The following MPRIP variants were observed in gnomAD, a reference collection of about 807,000 sequenced individuals.
MPRIP encodes the protein myosin phosphatase Rho-interacting protein.
Under a neutral mutation model 234.9 loss-of-function variants are expected in MPRIP, and 59 were observed. The observed-to-expected ratio is 0.25, with a 90% confidence interval of 0.20 to 0.31. The LOEUF (loss-of-function observed/expected upper bound fraction) is 0.31, where lower values mean the gene tolerates loss of function less well. MPRIP is among the 10% of genes least tolerant of loss of function. The pLI, the probability that MPRIP is intolerant of heterozygous loss-of-function variation, is 1.00. For synonymous variants in MPRIP, 1,144 were observed against 1,263.9 expected, an observed-to-expected ratio of 0.91 and a Z score of 2.01; for missense variants, 2,436 against 3,071.0, an observed-to-expected ratio of 0.79 and a Z score of 4.89.
intron 3 of MPRIP, among the ~76,000 whole-genome samples, chr17:17,090,439 G>A (rs1431463070): frequency 2.6e-5 from 4 of 152,162 alleles, no homozygotes; most frequent in Admixed American, 2.6e-4. Flanking sequence ...GTGAGTCATT[G>A]TCTTCCTCTG....
rs541926179 is a variant in MPRIP at position 17,165,044 on chromosome 17, G to C, written c.3453G>C (p.Arg1151Ser). 72 of 1,302,096 alleles carry C rather than the reference G, an allele frequency of 5.5e-5. No homozygotes were observed. Among genetic ancestry groups the C allele is most frequent in the Non-Finnish European group, 7.0e-5 (69 of 988,950 alleles). The allele number at this position is 1,302,096 out of a possible 1,614,324, so 80.7% of individuals were successfully genotyped here. ...DNQSLEHSYQ[R>S]VSSQLQSMHT... ...AGAGCCTGGAGCACTCCTACCAGAGGGTCTCCAGCCAGCTGCAGAGCATGC... is the reference window on the plus strand; with the variant it reads ...AGAGCCTGGAGCACTCCTACCAGAGCGTCTCCAGCCAGCTGCAGAGCATGC... Residue 1151 changes from arginine to serine, a missense_variant, in exon 16 of 24, where the codon AGG becomes AGC. Arg to Ser is a moderately radical substitution (Grantham distance 110, BLOSUM62 -1). Around this residue, in one of 4 missense-constraint regions of MPRIP, gnomAD observed 1,998 missense variants for 2,520.3 expected, o/e 0.79. Coordinates refer to ENST00000651222, the MANE Select transcript of MPRIP (RefSeq NM_001364716.4).
intron 19 of MPRIP, 76 bp downstream of exon 19, chr17:17,174,151 C>A: frequency 6.6e-7 from 1 of 1,520,052 alleles, no homozygotes. Context: ...CAGGTGAGTC[C>A]ACACTGGAGC....
intron 3 of MPRIP, chr17:17,097,344 C>T (rs553983957): frequency 6.5e-6 from 1 of 153,408 alleles, no homozygotes; most frequent in African/African-American, 2.4e-5. Flanking sequence ...TAAGAATATT[C>T]TGGCCAGGCA....
chr17:17,167,780 G>C lies in MPRIP; in HGVS notation c.6189G>C (p.Met2063Ile). The change falls in exon 16 of 24, where the codon ATG (methionine) becomes ATC (isoleucine). Residue 2063 changes from methionine (M) to isoleucine (I), a missense_variant. This residue lies in a region of MPRIP where 1,998 missense variants were observed against 2,520.3 expected (regional missense o/e 0.79). Transcript: ENST00000651222. This position sits in a 1 kb window ranked among gnomAD's most constrained non-coding sequence, Gnocchi z 5.9. ...CCACCCAGGGAGAGGCTGACTCCAT[G>C]ACGGGGCTGAGGGAGCGCATCCAGG... ...WQATQGEADS[M>I]TGLRERIQEL... 1.5e-6 allele frequency: 2 copies of C among 1,304,250 alleles called. No homozygotes were observed. The highest frequency in any genetic ancestry group is 2.0e-6 in the Non-Finnish European group (2 of 988,960). The allele number at this position is 1,304,250 out of a possible 1,614,324, so 80.8% of individuals were successfully genotyped here. A position where few individuals can be genotyped will look rare whatever the true frequency, so the allele number is the denominator to read the frequency against.
At chr17:17,171,526 C>G (rs532789905) in intron 16 of MPRIP, 192 bp from the exon 17 acceptor site, 15 of 638,110 alleles carry the variant, frequency 2.4e-5, no homozygotes, top group South Asian at 1.4e-4. Context: ...TCTGAATGCT[C>G]TGATGGCATT....
chr17:17,143,052 T>G (rs1477913706), intron 8 of MPRIP, among the ~76,000 whole-genome samples: 1 of 152,206 alleles, frequency 6.6e-6, no homozygotes, highest in East Asian at 1.9e-4. Flanking sequence ...AGGCTGAATG[T>G]CACACCTTCC....
chr17:17,150,078 A>G (rs997724279), intron 11 of MPRIP, 66 bp from the exon 12 acceptor site: 2 of 1,170,464 alleles, frequency 1.7e-6, no homozygotes, highest in African/African-American at 3.0e-5. Context: ...ACTTACGGAA[A>G]TTTGCTCATC....
At position 17,158,616 on chromosome 17, in the gene MPRIP, G is replaced by T. The variant is rs1311439061; in HGVS notation, c.2014G>T (p.Ala672Ser). Residue 672 changes from alanine (A) to serine (S), a missense_variant, in exon 14 of 24, where the codon GCC (alanine) becomes TCC (serine). By Grantham distance (99) the Ala-to-Ser change is moderately conservative. Around this residue, in one of 4 missense-constraint regions of MPRIP, gnomAD observed 1,998 missense variants for 2,520.3 expected, o/e 0.79. Transcript: ENST00000651222. Reference protein sequence around the residue: ...DWAEFRPIQQALAQERVGGVG... With the variant: ...DWAEFRPIQQSLAQERVGGVG... ...GGCTGAGTTCCGTCCCATCCAGCAG[G>T]CCCTGGCTCAGGAGCGGGTGGGCGG... The T allele has an allele frequency of 1.2e-6, 2 of 1,604,246 alleles. No homozygotes were observed. The highest frequency in any genetic ancestry group is 1.7e-6 in the Non-Finnish European group (2 of 1,175,908).
intron 5 of MPRIP, among the ~76,000 whole-genome samples, chr17:17,135,934 A>G (rs898132356): frequency 1.8e-4 from 28 of 152,318 alleles, no homozygotes; most frequent in Admixed American, 5.2e-4. Context: ...TTGTTCTTGC[A>G]TTCACTGTAA....
At position 17,042,977 on chromosome 17, in the gene MPRIP, C is replaced by T. The variant is rs1242605263; in HGVS notation, c.123+6C>T. 1 of 1,608,650 alleles carries T rather than the reference C, an allele frequency of 6.2e-7. No homozygotes were observed. Among genetic ancestry groups the T allele is most frequent in the Non-Finnish European group, 8.5e-7 (1 of 1,177,454 alleles). The stretch of plus-strand genomic sequence containing the variant: ...ACGACGAGGACCTGACGCAGGTGAG[C>T]GACTGGGGCCGGCCCGGACACCTCC... On this transcript the variant is annotated splice_donor_region_variant and intron_variant, in intron 1 of 23. Transcript: ENST00000651222.
At chr17:17,156,865 G>A (rs537064535) in intron 13 of MPRIP, among the ~76,000 whole-genome samples, 63 of 152,364 alleles carry the variant, frequency 4.1e-4, no homozygotes, top group African/African-American at 1.5e-3. Context: ...GAAGCACTTT[G>A]CCTCTCACTC....
intron 3 of MPRIP, among the ~76,000 whole-genome samples, chr17:17,125,950 A>G (rs2090482780): frequency 6.6e-6 from 1 of 152,196 alleles, no homozygotes; most frequent in Non-Finnish European, 1.5e-5. Flanking sequence ...CTCCCAAAGC[A>G]TCCTTACGTT....
intron 1 of MPRIP, among the ~76,000 whole-genome samples, chr17:17,063,728 C>G (rs2088935093): frequency 6.6e-6 from 1 of 152,214 alleles, no homozygotes; most frequent in Non-Finnish European, 1.5e-5. Flanking sequence ...ACCGACTGTT[C>G]CCTTCTCTTG....
At chr17:17,172,185 CT>C (rs1401109045) in intron 17 of MPRIP, among the ~76,000 whole-genome samples, 2 of 152,268 alleles carry the variant, frequency 1.3e-5, no homozygotes, top group African/African-American at 2.4e-5. Flanking sequence ...GACTTTCCCC[CT>C]GACAGACACC....
chr17:17,081,067 A>G (rs2089451465), intron 3 of MPRIP, among the ~76,000 whole-genome samples: 1 of 152,222 alleles, frequency 6.6e-6, no homozygotes, highest in African/African-American at 2.4e-5. Context: ...CAGCAGCTCT[A>G]AGCAGCCCGT....
intron 1 of MPRIP, among the ~76,000 whole-genome samples, chr17:17,051,789 C>T (rs75680614): frequency 0.086 from 13,024 of 152,324 alleles, 708 homozygotes; most frequent in Middle Eastern, 0.16. Context: ...TTCCAAACCA[C>T]TCACTGGTTT....
At chr17:17,062,722 A>G (rs190959517) in intron 1 of MPRIP, among the ~76,000 whole-genome samples, 3 of 152,356 alleles carry the variant, frequency 2.0e-5, no homozygotes, top group African/African-American at 7.2e-5. Context: ...ATGGCCAGGT[A>G]GCGTGTTAGG....
At chr17:17,159,369 C>T (rs1337457650) in intron 14 of MPRIP, among the ~76,000 whole-genome samples, 2 of 152,234 alleles carry the variant, frequency 1.3e-5, no homozygotes, top group African/African-American at 4.8e-5. Flanking sequence ...GCAGCCCTGG[C>T]TTGGACAGGT....
At position 17,158,589 on chromosome 17, in the gene MPRIP, T is replaced by C. The variant is rs765783477; in HGVS notation, c.1987T>C (p.Trp663Arg). The change falls in exon 14 of 24, where the codon TGG (tryptophan) becomes CGG (arginine). Residue 663 changes from tryptophan (W) to arginine (R), a missense_variant. Transcript: ENST00000651222. ...AGAGGGCCGCTCCAAGACCTTTGAC[T>C]GGGCTGAGTTCCGTCCCATCCAGCA... ...RREGRSKTFD[W>R]AEFRPIQQAL... The C allele has an allele frequency of 6.2e-7, 1 of 1,608,876 alleles. No individual in the cohort carries two copies. The highest frequency in any genetic ancestry group is 8.5e-7 in the Non-Finnish European group (1 of 1,178,642).
Sources: gnomAD v4.1 joint callset for allele counts (sites outside exome capture counted in the v4.1 genomes callset) on GRCh38, gnomAD v4.1.1 for gene constraint, gnomAD v4.1.1 regional missense constraint, Gnocchi (gnomAD v3.1) non-coding constraint, MANE v1.5 for transcripts, NCBI Gene and HGNC (gene_info 2026-07-23, HGNC 2026-07-21) for gene names.